CDH13: variants seen among roughly 807,000 people sequenced by gnomAD.
CDH13 encodes cadherin-13.
Under a neutral mutation model 63.8 loss-of-function variants are expected in CDH13, and 24 were observed. The ratio of observed to expected loss-of-function variants is 0.38; its 90% CI spans 0.27 to 0.53. The LOEUF (loss-of-function observed/expected upper bound fraction) is 0.53, where lower values mean the gene tolerates loss of function less well. Among genes scored for constraint, CDH13 ranks in the 20% least tolerant of loss-of-function variants. The probability of loss-of-function intolerance (pLI) is 0.85; values close to 1 mark genes in which losing one functional copy is unlikely to be tolerated. For synonymous variants in CDH13, 503 were observed against 355.3 expected (o/e 1.42, Z -4.67); for missense variants, 1,049 against 903.1 (o/e 1.16, Z -2.07).
At chr16:82,939,422 CA>C (rs967777786) in intron 2 of CDH13, among the ~76,000 whole-genome samples, 3 of 60,720 alleles carry the variant, frequency 4.9e-5, no homozygotes, top group Admixed American at 2.6e-4. Context: ...GACCTTAGCT[CA>C]AAAAAAATTA....
At chr16:83,298,699 A>G (rs1185537791) in intron 5 of CDH13, among the ~76,000 whole-genome samples, 2 of 152,192 alleles carry the variant, frequency 1.3e-5, no homozygotes, top group Non-Finnish European at 2.9e-5. Flanking sequence ...TAACCACTGG[A>G]CTTGGAAAGG....
intron 6 of CDH13, among the ~76,000 whole-genome samples, chr16:83,482,996 T>C (rs112265996): frequency 7.9e-5 from 12 of 152,290 alleles, no homozygotes; most frequent in African/African-American, 2.9e-4. Flanking sequence ...TGAACACTAA[T>C]GTACTAGGCA....
chr16:83,693,875 T>G (rs538303305), intron 10 of CDH13, among the ~76,000 whole-genome samples: 2 of 152,344 alleles, frequency 1.3e-5, no homozygotes, highest in South Asian at 4.1e-4. Context: ...AATAACACCA[T>G]GAGTTGTAGA....
intron 8 of CDH13, among the ~76,000 whole-genome samples, chr16:83,603,608 G>T (rs1026523105): frequency 1.3e-5 from 2 of 152,044 alleles, no homozygotes; most frequent in Non-Finnish European, 2.9e-5. Flanking sequence ...AACCTCCAGG[G>T]TGTTTGGAGA....
chr16:83,323,426 G>C (rs2090285651), intron 5 of CDH13, among the ~76,000 whole-genome samples: 1 of 151,038 alleles, frequency 6.6e-6, no homozygotes, highest in South Asian at 2.1e-4. Flanking sequence ...GATTACAGGT[G>C]CCTGCCACCA....
At chr16:82,913,069 C>T (rs1274843688) in intron 2 of CDH13, among the ~76,000 whole-genome samples, 1 of 152,014 alleles carries the variant, frequency 6.6e-6, no homozygotes. Context: ...TTGGGAATCT[C>T]ATTATTTGCA....
intron 2 of CDH13, chr16:82,954,754 A>G (rs1231602545): frequency 6.6e-6 from 1 of 151,460 alleles, no homozygotes; most frequent in Non-Finnish European, 1.5e-5. Context: ...TCTCCTGGAA[A>G]AAAAAAAAAA....
At chr16:82,839,812 G>C (rs1180770735) in intron 1 of CDH13, among the ~76,000 whole-genome samples, 1 of 152,190 alleles carries the variant, frequency 6.6e-6, no homozygotes, top group Non-Finnish European at 1.5e-5. Context: ...CATAATTTTT[G>C]AAGATGATCC....
At chr16:82,701,547 G>T (rs1223269613) in intron 1 of CDH13, among the ~76,000 whole-genome samples, 4 of 152,070 alleles carry the variant, frequency 2.6e-5, no homozygotes, top group Non-Finnish European at 5.9e-5. Flanking sequence ...TTTCATGAAG[G>T]CTAGACCTTA....
At chr16:83,093,691 C>T (rs1455263712) in intron 3 of CDH13, among the ~76,000 whole-genome samples, 2 of 152,160 alleles carry the variant, frequency 1.3e-5, no homozygotes, top group Non-Finnish European at 2.9e-5. Flanking sequence ...ATAGTCTCTT[C>T]CATGCACATC....
At chr16:83,630,682 G>T (rs1910698320) in intron 8 of CDH13, among the ~76,000 whole-genome samples, 1 of 152,194 alleles carries the variant, frequency 6.6e-6, no homozygotes, top group Middle Eastern at 3.2e-3. Flanking sequence ...ATGACTTTGA[G>T]TTCTGTCTGT....
At chr16:83,009,686 G>T (rs1393266766) in intron 2 of CDH13, among the ~76,000 whole-genome samples, 1 of 152,176 alleles carries the variant, frequency 6.6e-6, no homozygotes, top group Non-Finnish European at 1.5e-5. Context: ...ATATTTGATG[G>T]TGGATAATGT....
chr16:83,007,848 A>G (rs1450805795), intron 2 of CDH13, among the ~76,000 whole-genome samples: 3 of 151,866 alleles, frequency 2.0e-5, no homozygotes, highest in South Asian at 2.1e-4. Context: ...GAGAGAAAAG[A>G]AAAATGCCTT....
At chr16:83,026,715 G>A (rs1036043779) in intron 2 of CDH13, among the ~76,000 whole-genome samples, 1 of 152,182 alleles carries the variant, frequency 6.6e-6, no homozygotes, top group African/African-American at 2.4e-5. Context: ...GACTTGTACA[G>A]TCCTTTGCAT....
chr16:82,729,075 T>C (rs2033257561), intron 1 of CDH13, among the ~76,000 whole-genome samples: 1 of 152,190 alleles, frequency 6.6e-6, no homozygotes, highest in Non-Finnish European at 1.5e-5. Context: ...TATAGTTGTC[T>C]TTCAGTTTCC....
At chr16:83,124,613 G>T (rs188375277) in intron 3 of CDH13, among the ~76,000 whole-genome samples, 6 of 151,320 alleles carry the variant, frequency 4.0e-5, no homozygotes, top group Non-Finnish European at 7.4e-5. Flanking sequence ...GTTTTTCCTA[G>T]GGTTTCTTCT....
chr16:83,471,275 CTTTTTT>C (rs34765413), intron 6 of CDH13, among the ~76,000 whole-genome samples: 1 of 121,998 alleles, frequency 8.2e-6, no homozygotes, highest in African/African-American at 3.2e-5. Flanking sequence ...TCTAACCACC[CTTTTTT>C]TTTTTTTTTT....
At chr16:83,207,601 T>C (rs2039220672) in intron 4 of CDH13, among the ~76,000 whole-genome samples, 2 of 152,182 alleles carry the variant, frequency 1.3e-5, no homozygotes, top group African/African-American at 4.8e-5. Context: ...ATTCTTTCCG[T>C]GTGTCTATGG....
At position 82,741,550 on chromosome 16, in the gene CDH13, T is replaced by A. The variant is rs185614933; in HGVS notation, c.45+114413T>A. 5.3e-5 allele frequency among the ~76,000 whole-genome samples: 8 copies of A among 152,352 alleles called. 1 individual carries two copies. In the East Asian group the frequency reaches 1.3e-3, roughly 26 times the overall value. ...TGAAATCCTTGAAGATGGGGGTCCA[T>A]GCCTCATTCATTTTCTATCGTTAGC... On this transcript the variant is annotated intron_variant, in intron 1 of 13. Transcript: ENST00000567109.
Sources: gnomAD v4.1 joint callset for allele counts (sites outside exome capture counted in the v4.1 genomes callset) on GRCh38, gnomAD v4.1.1 for gene constraint, MANE v1.5 for transcripts, NCBI Gene and HGNC (gene_info 2026-07-23, HGNC 2026-07-21) for gene names.